Variants in SPATC1L observed in about 807,000 individuals in gnomAD.
The protein encoded by SPATC1L is speriolin-like protein.
Under a neutral mutation model 21.2 loss-of-function variants are expected in SPATC1L, and 20 were observed. The observed-to-expected ratio is 0.94, with a 90% CI of 0.66 to 1.37. The LOEUF (loss-of-function observed/expected upper bound fraction) is 1.37, where lower values mean the gene tolerates loss of function less well. SPATC1L is among the 40% of genes most tolerant of loss of function. SPATC1L has a pLI of 0.00. For synonymous variants in SPATC1L, 290 were observed against 234.5 expected (o/e 1.24, Z -2.16); for missense variants, 499 against 478.7 (o/e 1.04, Z -0.40).
rs1054550352 is a variant in SPATC1L, at chr21:46,184,421, A to G, written c.-1024T>C. 4.3e-5 allele frequency: 7 copies of G among 163,370 alleles called. No homozygotes were observed. The highest frequency in any genetic ancestry group is 1.7e-4 in the African/African-American group (7 of 41,436). The allele number at this position is 163,370 out of a possible 1,614,324, so 10.1% of individuals were successfully genotyped here. On this transcript the variant is annotated 5_prime_UTR_variant, in exon 1 of 5. The change abolishes an upstream ATG in the 5' untranslated region. Transcript: ENST00000291672. ...GCAGCCGGGATGCAACAGATGGGTC[A>G]TCTCATCCTCATGGGAAGGGACGTA...
Position 46,182,921 on chromosome 21 carries a change from A to T in SPATC1L, c.-105T>A, listed in dbSNP as rs1230105238. 8 of 1,206,964 alleles carry T rather than the reference A, an allele frequency of 6.6e-6. No individual in the cohort carries two copies. Among genetic ancestry groups the T allele is most frequent in the Non-Finnish European group, 7.8e-6 (7 of 894,310 alleles). 74.8% of individuals were successfully genotyped at this position (1,206,964 alleles called of 1,614,324 possible). On this transcript the variant is annotated 5_prime_UTR_variant, in exon 2 of 5. Transcript: ENST00000291672. ...AAACAGCCCAGGCACGGAGTTCCGT[A>T]GCCACCACCGCCTTCCACGCCTTGT... is the stretch of plus-strand genomic sequence containing the variant.
chr21:46,172,680 T>G (rs533133943), intron 2 of SPATC1L, among the ~76,000 whole-genome samples: 17 of 152,134 alleles, frequency 1.1e-4, no homozygotes, highest in Non-Finnish European at 2.4e-4. Flanking sequence ...AATAAGAAGT[T>G]CATGTGGATT....
intron 2 of SPATC1L, among the ~76,000 whole-genome samples, chr21:46,176,469 A>T (rs1022053250): frequency 2.0e-5 from 3 of 152,224 alleles, no homozygotes; most frequent in Non-Finnish European, 2.9e-5. Context: ...AAACACTAAC[A>T]TTCCTATATA....
intron 2 of SPATC1L, among the ~76,000 whole-genome samples, chr21:46,172,922 C>T (rs941394815): frequency 6.6e-6 from 1 of 152,324 alleles, no homozygotes. Context: ...GGGAGTTAAA[C>T]GGGCAAGGAG....
At chr21:46,174,665 A>G (rs1445222308) in intron 2 of SPATC1L, among the ~76,000 whole-genome samples, 1 of 152,240 alleles carries the variant, frequency 6.6e-6, no homozygotes, top group African/African-American at 2.4e-5. Flanking sequence ...TTATAAAGCA[A>G]GTTCTCAGAG....
intron 3 of SPATC1L, among the ~76,000 whole-genome samples, chr21:46,163,283 C>A (rs1220267503): frequency 6.6e-6 from 1 of 152,162 alleles, no homozygotes; most frequent in Non-Finnish European, 1.5e-5. Flanking sequence ...TCCGGGTTGG[C>A]TTTTCATTTT....
chr21:46,179,357 T>C (rs1229491189), intron 2 of SPATC1L, among the ~76,000 whole-genome samples: 1 of 151,996 alleles, frequency 6.6e-6, no homozygotes, highest in Admixed American at 6.6e-5. Context: ...ACCAGCAACA[T>C]AGAAGATCCC....
intron 2 of SPATC1L, among the ~76,000 whole-genome samples, chr21:46,169,447 G>A (rs376997332): frequency 3.9e-5 from 4 of 101,576 alleles, no homozygotes; most frequent in African/African-American, 4.8e-5. Context: ...TGCTCTGTGA[G>A]CATCCTCTGT....
At chr21:46,178,659 G>A (rs2079649909) in intron 2 of SPATC1L, among the ~76,000 whole-genome samples, 1 of 152,178 alleles carries the variant, frequency 6.6e-6, no homozygotes, top group Non-Finnish European at 1.5e-5. Context: ...GGCCGAGGTG[G>A]GTGGATCACC....
chr21:46,161,756 G>A lies in SPATC1L; in HGVS notation c.697-51C>T, dbSNP rs753912353. 2.7e-6 allele frequency: 4 copies of A among 1,501,948 alleles called. 1 individual carries two copies. The highest frequency in any genetic ancestry group is 1.8e-6 in the Non-Finnish European group (2 of 1,124,514). The allele number at this position is 1,501,948 out of a possible 1,614,324, so 93.0% of individuals were successfully genotyped here. A position where few individuals can be genotyped will look rare whatever the true frequency, so the allele number is the denominator to read the frequency against. On this transcript the variant is annotated intron_variant, in intron 4 of 4. Transcript: ENST00000291672. ...GTGGGGGGCTCGGGGCCCTCGGACGGGGACTTCCAGGCCCAGGGCCGATCC... is the reference window on the plus strand; with the variant it reads ...GTGGGGGGCTCGGGGCCCTCGGACGAGGACTTCCAGGCCCAGGGCCGATCC...
chr21:46,166,442 T>G (rs1185564504), intron 3 of SPATC1L, among the ~76,000 whole-genome samples: 1 of 151,742 alleles, frequency 6.6e-6, no homozygotes, highest in Non-Finnish European at 1.5e-5. Flanking sequence ...CAAGAAACTT[T>G]GAATGTAAAT....
At position 46,182,720 on chromosome 21, in the gene SPATC1L, G is replaced by T; in HGVS notation, c.97C>A (p.Arg33=). 6.5e-7 allele frequency: 1 copy of T among 1,546,762 alleles called. No individual in the cohort carries two copies. Among genetic ancestry groups the T allele is most frequent in the South Asian group, 1.2e-5 (1 of 83,946 alleles). Residue 33 remains arginine (R), a synonymous_variant, in exon 2 of 5, where the codon CGG becomes AGG. Coordinates refer to ENST00000291672, the MANE Select transcript of SPATC1L (RefSeq NM_001142854.2). ...TCCTGGCAGCTCTGGCTGAGCAGCCGCCGCAGCATCTGATTCTCCTTCAGG... is the reference window on the plus strand; with the variant it reads ...TCCTGGCAGCTCTGGCTGAGCAGCCTCCGCAGCATCTGATTCTCCTTCAGG... The part of the protein sequence containing the change: ...RLLKENQMLR[R]LLSQSCQEGG...
At chr21:46,168,752 C>T (rs1166014816) in intron 2 of SPATC1L, 94 bp from the exon 3 acceptor site, 1 of 785,700 alleles carries the variant, frequency 1.3e-6, no homozygotes, top group South Asian at 5.4e-5. Flanking sequence ...CCTATGCACC[C>T]CACCCCAAGC....
At chr21:46,166,458 A>C (rs2079540811) in intron 3 of SPATC1L, among the ~76,000 whole-genome samples, 1 of 152,094 alleles carries the variant, frequency 6.6e-6, no homozygotes, top group South Asian at 2.1e-4. Flanking sequence ...TAAATAGACT[A>C]AACTCTCCAA....
intron 2 of SPATC1L, among the ~76,000 whole-genome samples, chr21:46,179,311 C>T (rs1013904819): frequency 5.9e-5 from 9 of 151,898 alleles, no homozygotes; most frequent in Non-Finnish European, 8.8e-5. Context: ...TTTAGGAGGT[C>T]GAGACAGAAG....
chr21:46,183,916 T>TG (rs992168527), intron 1 of SPATC1L, 142 bp from the exon 2 acceptor site: 1 of 71,468 alleles, frequency 1.4e-5, no homozygotes, highest in African/African-American at 7.2e-5. Flanking sequence ...GAGACCAGCC[T>TG]GGGGGAGGAG....
At chr21:46,182,595 C>G in intron 2 of SPATC1L, 29 bp downstream of exon 2, 1 of 1,434,302 alleles carries the variant, frequency 7.0e-7, no homozygotes, top group African/African-American at 1.4e-5. Flanking sequence ...CCTCATCTAC[C>G]AGGCCATCTG....
Position 46,161,416 on chromosome 21 carries a change from A to G in SPATC1L, c.986T>C (p.Leu329Pro). The part of the protein sequence containing the change: ...SLLLLNCLCE[L>P]SKEDGKPLFA... ...GAGGGGCTTGCCGTCCTCCTTGGAGAGCTCGCACAGGCAGTTGAGCAGCAG... is the reference window on the plus strand; with the variant it reads ...GAGGGGCTTGCCGTCCTCCTTGGAGGGCTCGCACAGGCAGTTGAGCAGCAG... The change falls in exon 5 of 5, where the codon CTC becomes CCC. Residue 329 changes from leucine to proline, a missense_variant. Physicochemically the swap from Leu to Pro is moderately conservative, Grantham distance 98. Coordinates refer to ENST00000291672, the MANE Select transcript of SPATC1L (RefSeq NM_001142854.2). 1.9e-6 allele frequency: 3 copies of G among 1,557,272 alleles called. 1 individual carries two copies.
intron 2 of SPATC1L, among the ~76,000 whole-genome samples, chr21:46,180,196 C>G (rs1328769046): frequency 6.6e-6 from 1 of 152,222 alleles, no homozygotes; most frequent in African/African-American, 2.4e-5. Context: ...GCCCAGTGTT[C>G]AAGTGTGCCG....
Sources: gnomAD v4.1 joint callset for allele counts (sites outside exome capture counted in the v4.1 genomes callset) on GRCh38, gnomAD v4.1.1 for gene constraint, MANE v1.5 for transcripts, NCBI Gene and HGNC (gene_info 2026-07-23, HGNC 2026-07-21) for gene names.